Variants in MYO5C observed in about 807,000 individuals in gnomAD.
MYO5C encodes the protein myosin VC.
In MYO5C, 194 loss-of-function variants were observed where a neutral mutation model predicts 235.7. The observed-to-expected ratio is 0.82, with a 90% CI of 0.73 to 0.93. MYO5C has a LOEUF of 0.93. MYO5C is among the 40% of genes least tolerant of loss of function. The pLI is 0.00. For synonymous variants in MYO5C, 707 were observed against 754.8 expected (o/e 0.94, Z 1.04); for missense variants, 2,038 against 2,127.2 (o/e 0.96, Z 0.82).
chr15:52,276,065 A>G (rs1001444105), intron 4 of MYO5C, among the ~76,000 whole-genome samples: 2 of 151,786 alleles, frequency 1.3e-5, no homozygotes, highest in African/African-American at 2.4e-5. Flanking sequence ...CTCTCATTTC[A>G]TCTCTCCTCT....
At chr15:52,282,060 T>G (rs1290092799) in intron 2 of MYO5C, among the ~76,000 whole-genome samples, 1 of 152,198 alleles carries the variant, frequency 6.6e-6, no homozygotes, top group South Asian at 2.1e-4. Flanking sequence ...ATGCAAAGTC[T>G]TCAGAAGCTG....
chr15:52,254,357 C>A (rs113440839), intron 11 of MYO5C, among the ~76,000 whole-genome samples: 3 of 152,042 alleles, frequency 2.0e-5, no homozygotes, highest in African/African-American at 7.2e-5. Flanking sequence ...GGAAGAGGAG[C>A]GAAGAGGTCA....
intron 35 of MYO5C, among the ~76,000 whole-genome samples, chr15:52,211,398 T>C (rs952958306): frequency 6.6e-6 from 1 of 152,224 alleles, no homozygotes; most frequent in African/African-American, 2.4e-5. Context: ...TGAATAATTT[T>C]TCACTCCATT....
intron 32 of MYO5C, among the ~76,000 whole-genome samples, chr15:52,214,921 C>A (rs531576211): frequency 6.6e-6 from 1 of 152,172 alleles, no homozygotes; most frequent in African/African-American, 2.4e-5. Flanking sequence ...GTGTCACTCT[C>A]TAGTTTCTCA....
chr15:52,245,214 C>T (rs954404678), intron 18 of MYO5C, 140 bp downstream of exon 18: 1 of 701,064 alleles, frequency 1.4e-6, no homozygotes, highest in African/African-American at 1.7e-5. Flanking sequence ...CTTCAGCAGA[C>T]AAATGCTCAG....
chr15:52,246,702 C>T (rs986226587), intron 16 of MYO5C, among the ~76,000 whole-genome samples: 2 of 152,118 alleles, frequency 1.3e-5, no homozygotes, highest in Admixed American at 1.3e-4. Flanking sequence ...GTAGAAGATT[C>T]TTTCAAATCT....
At chr15:52,221,800 T>A (rs1159866701) in intron 29 of MYO5C, among the ~76,000 whole-genome samples, 1 of 152,214 alleles carries the variant, frequency 6.6e-6, no homozygotes, top group Non-Finnish European at 1.5e-5. Context: ...CCCAAGTTTA[T>A]AAACATGCTC....
intron 12 of MYO5C, among the ~76,000 whole-genome samples, chr15:52,252,901 A>G (rs2036503716): frequency 6.6e-6 from 1 of 152,212 alleles, no homozygotes; most frequent in Non-Finnish European, 1.5e-5. Flanking sequence ...GGGAAATGGT[A>G]AGAAGAAAAC....
rs1179489066 is a variant in MYO5C, at chr15:52,206,074, C to G, written c.4387-108G>C. On this transcript the variant is annotated intron_variant, in intron 36 of 40. Transcript: ENST00000261839. ...TTAAAACTTAATGTCTGATTTATAT[C>G]AAATGAGTTCATGATGCTTGGGGTA... 3 of 688,762 alleles carry G rather than the reference C, an allele frequency of 4.4e-6. No individual in the cohort carries two copies. The Admixed American group carries it at 1.0e-4, about 23-fold the overall frequency. 42.7% of individuals were successfully genotyped at this position (688,762 alleles called of 1,614,324 possible).
chr15:52,257,620 A>G (rs1191837068), intron 10 of MYO5C, among the ~76,000 whole-genome samples: 1 of 152,196 alleles, frequency 6.6e-6, no homozygotes, highest in African/African-American at 2.4e-5. Flanking sequence ...AGGTGTCAGC[A>G]TTTATGCACG....
chr15:52,208,662 G>C lies in MYO5C; in HGVS notation c.4297-19C>G. On this transcript the variant is annotated intron_variant, in intron 35 of 40. Transcript: ENST00000261839. ...AATGTTCCTTAGGAAAATAAGAAAA[G>C]ACAAAATTGGTCTTGATGATTACTT... The C allele has an allele frequency of 6.2e-7, 1 of 1,606,714 alleles. No individual in the cohort carries two copies. Among genetic ancestry groups the C allele is most frequent in the Non-Finnish European group, 8.5e-7 (1 of 1,173,534 alleles).
At chr15:52,255,010 CAAA>C (rs61685628) in intron 11 of MYO5C, among the ~76,000 whole-genome samples, 1 of 145,848 alleles carries the variant, frequency 6.9e-6, no homozygotes. Flanking sequence ...AATTCTGGGC[CAAA>C]AAAAAAAAAA....
At chr15:52,246,865 G>C in intron 16 of MYO5C, 52 bp downstream of exon 16, 1 of 1,460,134 alleles carries the variant, frequency 6.8e-7, no homozygotes, top group South Asian at 1.2e-5. Flanking sequence ...CCAACTTTAT[G>C]GCAGAAACTG....
At chr15:52,273,461 C>T (rs898889892) in intron 5 of MYO5C, among the ~76,000 whole-genome samples, 1 of 152,212 alleles carries the variant, frequency 6.6e-6, no homozygotes, top group Non-Finnish European at 1.5e-5. Context: ...AATCCTAACC[C>T]TATGTATTGG....
At chr15:52,271,953 G>C (rs1196058051) in intron 6 of MYO5C, 109 bp from the exon 7 acceptor site, 3 of 596,672 alleles carry the variant, frequency 5.0e-6, no homozygotes, top group South Asian at 5.8e-5. Flanking sequence ...ATAATTCTCT[G>C]TCTGGGATGT....
chr15:52,269,849 C>A lies in MYO5C; in HGVS notation c.844G>T (p.Glu282Ter), dbSNP rs1172182200. The change falls in exon 8 of 41, where the codon GAA becomes TAA. Residue 282 changes from glutamate (E) to a stop codon, truncating the protein, a stop_gained. Transcript: ENST00000261839. LOFTEE classifies it high-confidence loss of function. ...FKHLKLGSAE[E>*]FNYTRMGGNT... The stretch of plus-strand genomic sequence containing the variant: ...CCTCCCATTCTTGTATAATTAAATT[C>A]TTCGGCACTCCCTGAAATCAAAAAG... 1 of 1,610,530 alleles carries A rather than the reference C, an allele frequency of 6.2e-7. No individual in the cohort carries two copies. Among genetic ancestry groups the A allele is most frequent in the Admixed American group, 1.7e-5 (1 of 59,928 alleles).
intron 9 of MYO5C, among the ~76,000 whole-genome samples, chr15:52,262,458 A>C (rs909124101): frequency 6.6e-6 from 1 of 152,210 alleles, no homozygotes; most frequent in Non-Finnish European, 1.5e-5. Flanking sequence ...AAAAGGGCAG[A>C]AGCCCAGCTT....
At chr15:52,248,821 C>A in intron 13 of MYO5C, 38 bp from the exon 14 acceptor site, 1 of 1,373,516 alleles carries the variant, frequency 7.3e-7, no homozygotes, top group Non-Finnish European at 1.0e-6. Context: ...CCAAAGAGGC[C>A]AAAGAATATA....
chr15:52,242,067 G>A lies in MYO5C; in HGVS notation c.2537C>T (p.Ala846Val), dbSNP rs1441914823. The A allele has an allele frequency of 1.9e-6, 3 of 1,612,446 alleles. No individual in the cohort carries two copies. Among genetic ancestry groups the A allele is most frequent in the African/African-American group, 2.7e-5 (2 of 74,890 alleles). Residue 846 changes from alanine (A) to valine (V), a missense_variant, in exon 20 of 41, where the codon GCA becomes GTA. Coordinates refer to ENST00000261839, the MANE Select transcript of MYO5C (RefSeq NM_018728.4). ...TMQAYSRGFL[A>V]RRRYRKMLEE... ...CCTCACCTTTCGATACCTCCTCCTT[G>A]CCAGGAATCCTCGGCTGTAGGCCTG...
Sources: allele counts gnomAD v4.1 joint callset (sites outside exome capture counted in the v4.1 genomes callset), GRCh38; gene constraint gnomAD v4.1.1; transcripts MANE v1.5; gene names NCBI Gene and HGNC (gene_info 2026-07-23, HGNC 2026-07-21).